Variants in KLF8 observed in about 807,000 individuals in gnomAD.
KLF8 encodes KLF transcription factor 8.
KLF8 carries 10 observed loss-of-function variants against 18.2 expected under a neutral mutation model. The observed-to-expected ratio is 0.55, with a 90% CI of 0.34 to 0.93. The LOEUF is 0.93. KLF8 is among the 40% of genes least tolerant of loss of function. The probability of loss-of-function intolerance (pLI) is 0.02; values close to 1 mark genes in which losing one functional copy is unlikely to be tolerated. For missense variants in KLF8, 264 were observed against 277.9 expected (o/e 0.95, Z 0.36); for synonymous variants, 109 against 97.3 (o/e 1.12, Z -0.71).
At chrX:55,908,758 G>T in the KLF8 span, 1 of 282,460 alleles carries the variant, frequency 3.5e-6, no homozygotes, top group South Asian at 2.4e-4. Context: ...CCAGGCCCCG[G>T]GGCTGGGAGG....
chrX:55,976,423 T>G, the KLF8 span, among the ~76,000 whole-genome samples: 1 of 111,772 alleles, frequency 8.9e-6, no homozygotes, highest in Non-Finnish European at 1.9e-5. Context: ...GAGTTTGACT[T>G]TTTTAGATTT....
At chrX:56,169,201 T>C in the KLF8 span, among the ~76,000 whole-genome samples, 3 of 111,353 alleles carry the variant, frequency 2.7e-5, no homozygotes, top group African/African-American at 9.8e-5. Flanking sequence ...AATACCCAGG[T>C]AGTAACCCAT....
the KLF8 span, among the ~76,000 whole-genome samples, chrX:56,056,998 C>A: frequency 1.8e-5 from 2 of 111,068 alleles, no homozygotes; most frequent in African/African-American, 6.5e-5. Flanking sequence ...AGCAGTCTGG[C>A]AGGGTGCACA....
At chrX:56,152,501 G>T in the KLF8 span, among the ~76,000 whole-genome samples, 1 of 111,011 alleles carries the variant, frequency 9.0e-6, no homozygotes, top group African/African-American at 3.3e-5. Context: ...TCTTTACTGC[G>T]CAAAGACTTA....
At chrX:56,263,004 A>G (rs762297638) in intron 2 of KLF8, among the ~76,000 whole-genome samples, 147 of 112,404 alleles carry the variant, frequency 1.3e-3, no homozygotes, top group Non-Finnish European at 2.5e-3. Context: ...ATGGAAAGAG[A>G]TAACATTTTT....
the KLF8 span, among the ~76,000 whole-genome samples, chrX:56,058,279 C>CATATATATATATATATATATATATAT: frequency 4.1e-4 from 3 of 7,311 alleles, no homozygotes; most frequent in African/African-American, 6.4e-4. Flanking sequence ...CATATATATA[C>CATATATATATATATATATATATATAT]ATATATATAT....
At chrX:56,164,593 C>T in the KLF8 span, among the ~76,000 whole-genome samples, 35 of 99,463 alleles carry the variant, frequency 3.5e-4, no homozygotes, top group East Asian at 0.01. Context: ...TTTTTTTTAT[C>T]CTCTAGAATA....
At chrX:55,934,409 C>A in the KLF8 span, among the ~76,000 whole-genome samples, 1 of 112,254 alleles carries the variant, frequency 8.9e-6, no homozygotes, top group Non-Finnish European at 1.9e-5. Context: ...GGATTTACAG[C>A]ATTCCATCAA....
At chrX:56,147,711 G>A in the KLF8 span, among the ~76,000 whole-genome samples, 1 of 112,187 alleles carries the variant, frequency 8.9e-6, no homozygotes, top group Non-Finnish European at 1.9e-5. Context: ...GAGCATGGTG[G>A]TTCATGCCTG....
At chrX:56,116,694 A>G in the KLF8 span, among the ~76,000 whole-genome samples, 60 of 102,253 alleles carry the variant, frequency 5.9e-4, 1 homozygote, top group Admixed American at 6.1e-3. Context: ...AATCAAGATA[A>G]TTAACATATC....
the KLF8 span, among the ~76,000 whole-genome samples, chrX:56,014,439 A>T: frequency 8.9e-6 from 1 of 112,331 alleles, no homozygotes; most frequent in Admixed American, 9.4e-5. Context: ...ACCAACTCAC[A>T]CCAGTCAGAA....
chrX:55,984,551 T>C, the KLF8 span, among the ~76,000 whole-genome samples: 1 of 111,743 alleles, frequency 8.9e-6, no homozygotes, highest in Non-Finnish European at 1.9e-5. Flanking sequence ...TGATTGCATG[T>C]CTTTGCTATT....
chrX:55,936,880 A>G, the KLF8 span, among the ~76,000 whole-genome samples: 4 of 111,828 alleles, frequency 3.6e-5, no homozygotes, highest in Non-Finnish European at 7.5e-5. Context: ...CAGCCGGGAA[A>G]CTCGAACTGG....
chrX:55,932,420 G>T, the KLF8 span, among the ~76,000 whole-genome samples: 7 of 111,246 alleles, frequency 6.3e-5, no homozygotes, highest in African/African-American at 2.3e-4. Flanking sequence ...TATGATGATA[G>T]CTGGTTATTT....
At chrX:55,997,102 T>C in the KLF8 span, among the ~76,000 whole-genome samples, 1 of 111,576 alleles carries the variant, frequency 9.0e-6, no homozygotes, top group African/African-American at 3.3e-5. Flanking sequence ...GGAGCTATGG[T>C]GGTTGCCTCT....
chrX:56,161,800 C>T, the KLF8 span, among the ~76,000 whole-genome samples: 1 of 112,095 alleles, frequency 8.9e-6, no homozygotes, highest in African/African-American at 3.2e-5. Context: ...CAACTTTGTT[C>T]AGTTGCTGGT....
At chrX:55,980,016 A>G in the KLF8 span, among the ~76,000 whole-genome samples, 1 of 111,982 alleles carries the variant, frequency 8.9e-6, no homozygotes, top group Non-Finnish European at 1.9e-5. Flanking sequence ...AGGCAGAAAA[A>G]GTTTTAAGGT....
the KLF8 span, among the ~76,000 whole-genome samples, chrX:56,003,713 C>T: frequency 8.9e-6 from 1 of 111,776 alleles, no homozygotes; most frequent in Non-Finnish European, 1.9e-5. Flanking sequence ...ATTTTCTTAT[C>T]CTCTTCTTTT....
chrX:55,968,287 C>T, the KLF8 span, among the ~76,000 whole-genome samples: 1 of 110,974 alleles, frequency 9.0e-6, no homozygotes, highest in African/African-American at 3.3e-5. Context: ...CTAGACATTG[C>T]AATCAGAAGA....
Sources: gnomAD v4.1 joint callset for allele counts (sites outside exome capture counted in the v4.1 genomes callset) on GRCh38, gnomAD v4.1.1 for gene constraint, MANE v1.5 for transcripts, NCBI Gene and HGNC (gene_info 2026-07-23, HGNC 2026-07-21) for gene names.